Variants in DPP9 observed in about 807,000 individuals in gnomAD.
DPP9 encodes dipeptidyl peptidase IV-related protein-2.
DPP9 carries 50 observed loss-of-function variants against 110.7 expected under a neutral mutation model. The ratio of observed to expected loss-of-function variants is 0.45; its 90% CI spans 0.36 to 0.57. The LOEUF (loss-of-function observed/expected upper bound fraction) is 0.57, where lower values mean the gene tolerates loss of function less well. DPP9 is among the 20% of genes least tolerant of loss of function. The pLI is 0.00. For synonymous variants in DPP9, 561 were observed against 514.4 expected (o/e 1.09, Z -1.23); for missense variants, 1,022 against 1,217.9 (o/e 0.84, Z 2.39).
intron 1 of DPP9, among the ~76,000 whole-genome samples, chr19:4,722,949 G>A (rs1490872897): frequency 6.6e-6 from 1 of 152,208 alleles, no homozygotes; most frequent in Non-Finnish European, 1.5e-5. Flanking sequence ...CGTGAACAGG[G>A]AAGTGTCAGG....
At chr19:4,686,722 A>C (rs1049670427) in intron 16 of DPP9, among the ~76,000 whole-genome samples, 2 of 152,174 alleles carry the variant, frequency 1.3e-5, no homozygotes, top group Non-Finnish European at 2.9e-5. Flanking sequence ...TTCTTTAAAT[A>C]AATGTATGTA....
chr19:4,706,915 G>C (rs1250044571), intron 4 of DPP9, among the ~76,000 whole-genome samples: 2 of 152,178 alleles, frequency 1.3e-5, no homozygotes. Flanking sequence ...GGGCTGTCCT[G>C]ACCACTGCGA....
At position 4,685,742 on chromosome 19, in the gene DPP9, T is replaced by G. The variant is rs1425641908; in HGVS notation, c.1915A>C (p.Ile639Leu). The stretch of plus-strand genomic sequence containing the variant: ...TCCGAGCGCGTGTGGAAATGGAAGA[T>G]CTCTGGAGGAACATAATCCGGGGGG... ...SCPPDYVPPE[I>L]FHFHTRSDVR... The change falls in exon 17 of 22, where the codon ATC becomes CTC. Residue 639 changes from isoleucine (I) to leucine (L), a missense_variant. Physicochemically the swap from Ile to Leu is conservative, Grantham distance 5 (BLOSUM62 2). Coordinates refer to ENST00000262960, the MANE Select transcript of DPP9 (RefSeq NM_139159.5). This position sits in a 1 kb window ranked among gnomAD's most constrained non-coding sequence, Gnocchi z 5.8. 2 of 1,613,240 alleles carry G rather than the reference T, an allele frequency of 1.2e-6. No homozygotes were observed. The highest frequency in any genetic ancestry group is 2.2e-5 in the South Asian group (2 of 91,046).
chr19:4,692,142 G>T (rs1387246240), intron 13 of DPP9, among the ~76,000 whole-genome samples: 1 of 152,096 alleles, frequency 6.6e-6, no homozygotes, highest in Non-Finnish European at 1.5e-5. Context: ...TGGTGAAAGC[G>T]CTAGGGCTAG....
chr19:4,723,338 G>A (rs980925757), intron 1 of DPP9, among the ~76,000 whole-genome samples: 17 of 152,300 alleles, frequency 1.1e-4, no homozygotes, highest in African/African-American at 4.1e-4. Flanking sequence ...CTGCAGCTAC[G>A]AGGACGTTCT....
intron 3 of DPP9, chr19:4,715,831 C>CCACCGTGAGTGGCCGCCGCGGTGT: frequency 6.6e-6 from 1 of 152,392 alleles, no homozygotes; most frequent in East Asian, 1.9e-4. Flanking sequence ...CGCAAAGCAG[C>CCACCGTGAGTGGCCGCCGCGGTGT]CACCGTGAGT....
chr19:4,695,431 T>C lies in DPP9; in HGVS notation c.1300A>G (p.Arg434Gly). 6.3e-7 allele frequency: 1 copy of C among 1,594,842 alleles called. No homozygotes were observed. Among genetic ancestry groups the C allele is most frequent in the Non-Finnish European group, 8.5e-7 (1 of 1,171,134 alleles). Residue 434 changes from arginine (R) to glycine (G), a missense_variant, in exon 12 of 22, where the codon AGG becomes GGG. Transcript: ENST00000262960. The surrounding 1 kb of genome is among the most constrained non-coding windows in gnomAD (Gnocchi z 4.7). ...TACACCACATACGGCTGGACATTCCTGGGGACAGCTCTGGCAGAGGCTAGC... is the reference window on the plus strand; with the variant it reads ...TACACCACATACGGCTGGACATTCCCGGGGACAGCTCTGGCAGAGGCTAGC... ...QRLASARAVP[R>G]NVQPYVVYEE...
Position 4,702,604 on chromosome 19 carries a change from T to G in DPP9, c.882A>C (p.Glu294Asp). The change falls in exon 8 of 22, where the codon GAA becomes GAC. Residue 294 changes from glutamate to aspartate, a missense_variant and splice_region_variant. Transcript: ENST00000262960. ...GYWWCPTASW[E>D]GSEGLKTLRI... ...TGTTGAAAAATGGAAGGGACCTACC[T>G]TCCCAGGAGGCTGTGGGGCACCACC... The G allele has an allele frequency of 6.3e-7, 1 of 1,592,950 alleles. No individual in the cohort carries two copies. The highest frequency in any genetic ancestry group is 8.5e-7 in the Non-Finnish European group (1 of 1,169,738).
intron 3 of DPP9, among the ~76,000 whole-genome samples, chr19:4,717,367 GA>G: frequency 6.6e-6 from 1 of 152,188 alleles, no homozygotes; most frequent in East Asian, 1.9e-4. Flanking sequence ...GAGCACTCAA[GA>G]ACCCCCACTG....
chr19:4,723,006 T>C (rs1227471134), intron 1 of DPP9, among the ~76,000 whole-genome samples: 1 of 152,112 alleles, frequency 6.6e-6, no homozygotes, highest in African/African-American at 2.4e-5. Context: ...TGGACAGGCC[T>C]GAGAAGGGAG....
chr19:4,685,761 C>A lies in DPP9; in HGVS notation c.1896G>T (p.Pro632=). The A allele has an allele frequency of 6.2e-7, 1 of 1,612,820 alleles. No individual in the cohort carries two copies. Among genetic ancestry groups the A allele is most frequent in the Non-Finnish European group, 8.5e-7 (1 of 1,179,796 alleles). The change falls in exon 17 of 22, where the codon CCG becomes CCT. Residue 632 remains proline, a synonymous_variant. Transcript: ENST00000262960. This position sits in a 1 kb window ranked among gnomAD's most constrained non-coding sequence, Gnocchi z 5.8. The part of the protein sequence containing the change: ...ASMMEAASCP[P]DYVPPEIFHF... ...GGAAGATCTCTGGAGGAACATAATC[C>A]GGGGGGCAGCCTGCGGGAGACAGGG...
rs1305110814 is a variant in DPP9, at chr19:4,721,263, G to A, written c.-36+1236C>T. Among the ~76,000 whole-genome samples the A allele has an allele frequency of 5.3e-5, 8 of 152,232 alleles. No homozygotes were observed. In the East Asian group the frequency reaches 5.8e-4, roughly 11 times the overall value. ...CTGTGGGTAAGGGGGCACTCCTCAC[G>A]GGAATATCAGTTCCACAGGGCAGGC... is the stretch of plus-strand genomic sequence containing the variant. On this transcript the variant is annotated intron_variant, in intron 2 of 21. Coordinates refer to ENST00000262960, the MANE Select transcript of DPP9 (RefSeq NM_139159.5).
chr19:4,690,656 A>T (rs940986781), intron 14 of DPP9, among the ~76,000 whole-genome samples: 6 of 152,124 alleles, frequency 3.9e-5, no homozygotes, highest in Admixed American at 6.5e-5. Flanking sequence ...TGAGACGGGG[A>T]GGTGATGAAA....
Position 4,689,821 on chromosome 19 carries a change from TGG to T in DPP9, c.1597-101_1597-100del. The T allele has an allele frequency of 7.8e-7, 1 of 1,289,954 alleles. No homozygotes were observed. Among genetic ancestry groups the T allele is most frequent in the Non-Finnish European group, 1.0e-6 (1 of 957,140 alleles). 79.9% of individuals were successfully genotyped at this position (1,289,954 alleles called of 1,614,324 possible). On this transcript the variant is annotated intron_variant, in intron 14 of 21. Coordinates refer to ENST00000262960, the MANE Select transcript of DPP9 (RefSeq NM_139159.5). This position sits in a 1 kb window ranked among gnomAD's most constrained non-coding sequence, Gnocchi z 7.0. ...GGAGTGGGCCCCATGTTCCTCGGACTGGGGACGCATGCTGTCCTCGCCCAAGT... is the reference window on the plus strand; with the variant it reads ...GGAGTGGGCCCCATGTTCCTCGGACTGGACGCATGCTGTCCTCGCCCAAGT...
rs779291543 is a variant in DPP9 at position 4,704,140 on chromosome 19, G to A, written c.591C>T (p.Asn197=). 35 of 1,613,862 alleles carry A rather than the reference G, an allele frequency of 2.2e-5. No individual in the cohort carries two copies. The Middle Eastern group carries it at 8.2e-4, about 38-fold the overall frequency. Residue 197 remains asparagine (N), a synonymous_variant, in exon 6 of 22, where the codon AAC becomes AAT. Coordinates refer to ENST00000262960, the MANE Select transcript of DPP9 (RefSeq NM_139159.5). The surrounding 1 kb of genome is among the most constrained non-coding windows in gnomAD (Gnocchi z 6.0). ...CAGGGCCAGGGCTCACCATGAAGCCGTTCTTGCCGCCGTCGCGGCAGTGGA... is the reference window on the plus strand; with the variant it reads ...CAGGGCCAGGGCTCACCATGAAGCCATTCTTGCCGCCGTCGCGGCAGTGGA... ...SLFHCRDGGK[N]GFMVSPMKPL...
Position 4,695,321 on chromosome 19 carries a change from G to C in DPP9, c.1353+57C>G, listed in dbSNP as rs1194512076. 3 of 1,491,326 alleles carry C rather than the reference G, an allele frequency of 2.0e-6. No homozygotes were observed. Among genetic ancestry groups the C allele is most frequent in the East Asian group, 2.5e-5 (1 of 39,226 alleles). The allele number at this position is 1,491,326 out of a possible 1,614,324, so 92.4% of individuals were successfully genotyped here. A position where few individuals can be genotyped will look rare whatever the true frequency, so the allele number is the denominator to read the frequency against. ...CTCAGCCTTCTAGGACGTGGGGGTG[G>C]GGACAGTGTGACTCCAGGGCCCAGG... is the stretch of plus-strand genomic sequence containing the variant. On this transcript the variant is annotated intron_variant, in intron 12 of 21. Coordinates refer to ENST00000262960, the MANE Select transcript of DPP9 (RefSeq NM_139159.5). This position sits in a 1 kb window ranked among gnomAD's most constrained non-coding sequence, Gnocchi z 4.7.
In DPP9 at chr19:4,684,420, G is replaced by A. The variant is rs182667925; in HGVS notation, c.2178+243C>T. On this transcript the variant is annotated intron_variant, in intron 18 of 21. Transcript: ENST00000262960. This position sits in a 1 kb window ranked among gnomAD's most constrained non-coding sequence, Gnocchi z 4.8. ...GGCCGAGATGATCGCCATCACCACC[G>A]TCGTCATCACCAGTGTCAGCACAAC... 1.1e-5 allele frequency: 6 copies of A among 546,202 alleles called. No individual in the cohort carries two copies. Among genetic ancestry groups the A allele is most frequent in the Admixed American group, 9.8e-5 (3 of 30,600 alleles). The allele number at this position is 546,202 out of a possible 1,614,324, so 33.8% of individuals were successfully genotyped here. A position where few individuals can be genotyped will look rare whatever the true frequency, so the allele number is the denominator to read the frequency against.
intron 21 of DPP9, among the ~76,000 whole-genome samples, chr19:4,679,021 C>A (rs1403580016): frequency 1.3e-5 from 2 of 149,968 alleles, no homozygotes; most frequent in Admixed American, 1.3e-4. Flanking sequence ...CCCGCCCCCG[C>A]TGAGGCCCCA....
chr19:4,682,549 C>T lies in DPP9; in HGVS notation c.2474+147G>A. ...TGAGGCACATGCAGGCAGACGCCAC[C>T]ACAGGAGCACAGCGGGGAGGCTCCA... is the stretch of plus-strand genomic sequence containing the variant. On this transcript the variant is annotated intron_variant, in intron 20 of 21. Transcript: ENST00000262960. This position sits in a 1 kb window ranked among gnomAD's most constrained non-coding sequence, Gnocchi z 7.1. 1.6e-6 allele frequency: 2 copies of T among 1,246,698 alleles called. No homozygotes were observed. Among genetic ancestry groups the T allele is most frequent in the Non-Finnish European group, 2.2e-6 (2 of 908,118 alleles). 77.2% of individuals were successfully genotyped at this position (1,246,698 alleles called of 1,614,324 possible).
Sources: allele counts gnomAD v4.1 joint callset (sites outside exome capture counted in the v4.1 genomes callset), GRCh38; gene constraint gnomAD v4.1.1; non-coding constraint Gnocchi (gnomAD v3.1); transcripts MANE v1.5; gene names NCBI Gene and HGNC (gene_info 2026-07-23, HGNC 2026-07-21).